The following FAT3 variants were observed in gnomAD, a reference collection of about 807,000 sequenced individuals.
FAT3 encodes protocadherin Fat 3.
In FAT3, 95 loss-of-function variants were observed where a neutral mutation model predicts 310.2. The observed-to-expected ratio is 0.31, with a 90% CI of 0.26 to 0.36. The LOEUF is 0.36. FAT3 is among the 10% of genes least tolerant of loss of function. FAT3 has a pLI of 1.00. For missense variants in FAT3, 5,408 were observed against 5,715.6 expected, an observed-to-expected ratio of 0.95 and a Z score of 1.74; for synonymous variants, 2,314 against 2,192.9, an observed-to-expected ratio of 1.06 and a Z score of -1.54.
chr11:92,356,809 T>C (rs1380748912), intron 2 of FAT3, among the ~76,000 whole-genome samples: 1 of 152,122 alleles, frequency 6.6e-6, no homozygotes, highest in Non-Finnish European at 1.5e-5. Flanking sequence ...TAGGAAGGTA[T>C]CACTATAGAC....
chr11:92,551,414 T>TTGTTTTGTGTGTGTGTGTG (rs35238743), intron 3 of FAT3, among the ~76,000 whole-genome samples: 9,790 of 128,788 alleles, frequency 0.076, 541 homozygotes, highest in Admixed American at 0.15. Context: ...TTTTTTTGTT[T>TTGTTTTGTGTGTGTGTGTG]TGTGTGTGTG....
At chr11:92,468,954 C>A (rs1304987663) in intron 2 of FAT3, among the ~76,000 whole-genome samples, 2 of 152,110 alleles carry the variant, frequency 1.3e-5, no homozygotes, top group African/African-American at 4.8e-5. Context: ...CTAATGATTT[C>A]TTTTTCTTGG....
chr11:92,654,097 C>G (rs886524645), intron 3 of FAT3, among the ~76,000 whole-genome samples: 1 of 152,196 alleles, frequency 6.6e-6, no homozygotes, highest in Non-Finnish European at 1.5e-5. Context: ...CAAAAATCCA[C>G]TCAGTCAAAG....
chr11:92,226,490 G>A (rs1400302013), intron 1 of FAT3, among the ~76,000 whole-genome samples: 2 of 151,956 alleles, frequency 1.3e-5, no homozygotes, highest in Non-Finnish European at 1.5e-5. Context: ...TGGGTTGCTC[G>A]GGATGAGAGG....
chr11:92,326,479 C>T (rs189779268), intron 1 of FAT3, among the ~76,000 whole-genome samples: 176 of 152,294 alleles, frequency 1.2e-3, no homozygotes, highest in African/African-American at 3.9e-3. Flanking sequence ...TTATTGGATG[C>T]GGTAGACAAA....
intron 4 of FAT3, among the ~76,000 whole-genome samples, chr11:92,702,931 G>A (rs895927087): frequency 6.6e-6 from 1 of 152,188 alleles, no homozygotes; most frequent in Non-Finnish European, 1.5e-5. Flanking sequence ...GAGCAATTAT[G>A]TCATATGTAT....
chr11:92,785,019 A>C (rs1242426535), intron 7 of FAT3, among the ~76,000 whole-genome samples: 1 of 151,818 alleles, frequency 6.6e-6, no homozygotes, highest in South Asian at 2.1e-4. Flanking sequence ...TAAGAACAAT[A>C]CCCAAAACTT....
intron 19 of FAT3, among the ~76,000 whole-genome samples, chr11:92,855,287 G>T (rs1948942102): frequency 6.6e-6 from 1 of 152,180 alleles, no homozygotes; most frequent in Non-Finnish European, 1.5e-5. Context: ...GTTACTTAAA[G>T]GATCTCACCC....
Position 92,760,448 on chromosome 11 carries a change from G to A in FAT3, c.3670-1408G>A, listed in dbSNP as rs867155563. 2.6e-5 allele frequency among the ~76,000 whole-genome samples: 4 copies of A among 152,124 alleles called. No individual in the cohort carries two copies. The East Asian group carries it at 7.7e-4, about 29-fold the overall frequency. Reference sequence around the variant, plus strand: ...TGTTTTTCTCCTATTGATGTTGAGCGCATCTTTATGTTCCTTCCAGCCTCC... The same window carrying A: ...TGTTTTTCTCCTATTGATGTTGAGCACATCTTTATGTTCCTTCCAGCCTCC... On this transcript the variant is annotated intron_variant, in intron 4 of 27. Transcript: ENST00000525166.
intron 2 of FAT3, among the ~76,000 whole-genome samples, chr11:92,454,910 G>A (rs1014392789): frequency 6.6e-6 from 1 of 151,934 alleles, no homozygotes; most frequent in African/African-American, 2.4e-5. Flanking sequence ...TCCATGAATA[G>A]CCTCATTATA....
intron 1 of FAT3, among the ~76,000 whole-genome samples, chr11:92,283,648 A>G (rs2134371947): frequency 6.6e-6 from 1 of 152,278 alleles, no homozygotes; most frequent in South Asian, 2.1e-4. Flanking sequence ...TAAGTGATGT[A>G]CTTGTCTTAC....
chr11:92,824,634 G>A (rs1948057596), intron 13 of FAT3, among the ~76,000 whole-genome samples: 1 of 152,044 alleles, frequency 6.6e-6, no homozygotes, highest in Admixed American at 6.6e-5. Flanking sequence ...TATTTCTCAT[G>A]TACATAATTT....
At position 92,448,994 on chromosome 11, in the gene FAT3, A is replaced by G. The variant is rs532911620; in HGVS notation, c.3293-75640A>G. Among the ~76,000 whole-genome samples the G allele has an allele frequency of 2.0e-5, 3 of 152,236 alleles. No individual in the cohort carries two copies. In the East Asian group the frequency reaches 5.8e-4, roughly 30 times the overall value. ...GATGTGTGTGGCTGGCTGACATTTT[A>G]TGCCAGGGCCTCTTGTGTTGCCGAT... On this transcript the variant is annotated intron_variant, in intron 2 of 27. Coordinates refer to ENST00000525166, the MANE Select transcript of FAT3 (RefSeq NM_001367949.2).
At chr11:92,692,087 T>G (rs976640614) in intron 3 of FAT3, among the ~76,000 whole-genome samples, 3 of 151,984 alleles carry the variant, frequency 2.0e-5, no homozygotes, top group African/African-American at 7.2e-5. Flanking sequence ...TGCATAAGAT[T>G]AAAGATTAAA....
chr11:92,537,679 A>C (rs1162626580), intron 3 of FAT3, among the ~76,000 whole-genome samples: 1 of 152,180 alleles, frequency 6.6e-6, no homozygotes, highest in Non-Finnish European at 1.5e-5. Context: ...ACAAACTCTG[A>C]TAGGCATTAC....
intron 2 of FAT3, among the ~76,000 whole-genome samples, chr11:92,494,547 G>A (rs1183866561): frequency 6.6e-6 from 1 of 151,980 alleles, no homozygotes; most frequent in African/African-American, 2.4e-5. Context: ...GTCAATCACT[G>A]TGTGGGTACT....
intron 3 of FAT3, among the ~76,000 whole-genome samples, chr11:92,572,945 C>A (rs980846195): frequency 2.0e-5 from 3 of 152,034 alleles, no homozygotes; most frequent in African/African-American, 7.2e-5. Flanking sequence ...GAAATATATC[C>A]ATGTCAAAAT....
intron 22 of FAT3, among the ~76,000 whole-genome samples, chr11:92,880,418 G>A (rs868193774): frequency 6.6e-5 from 10 of 151,286 alleles, no homozygotes; most frequent in African/African-American, 1.9e-4. Context: ...TAGTGCCGGG[G>A]AGAAAACATC....
chr11:92,349,825 C>G (rs1948515214), intron 1 of FAT3, among the ~76,000 whole-genome samples: 1 of 152,070 alleles, frequency 6.6e-6, no homozygotes, highest in African/African-American at 2.4e-5. Flanking sequence ...TGTAAAGTCC[C>G]TAAATTAAAC....
Sources: allele counts gnomAD v4.1 joint callset (sites outside exome capture counted in the v4.1 genomes callset), GRCh38; gene constraint gnomAD v4.1.1; transcripts MANE v1.5; gene names NCBI Gene and HGNC (gene_info 2026-07-23, HGNC 2026-07-21).